RNF214: variants seen among roughly 807,000 people sequenced by gnomAD.
RNF214 encodes ring finger protein 214.
RNF214 carries 25 observed loss-of-function variants against 75.9 expected under a neutral mutation model. The observed-to-expected ratio is 0.33, with a 90% CI of 0.24 to 0.46. RNF214 has a LOEUF of 0.46. Among genes scored for constraint, RNF214 ranks in the 20% least tolerant of loss-of-function variants. The pLI is 1.00. For synonymous variants in RNF214, 314 were observed against 308.8 expected (o/e 1.02, Z -0.18); for missense variants, 725 against 857.5 (o/e 0.85, Z 1.93).
intron 6 of RNF214, among the ~76,000 whole-genome samples, chr11:117,264,412 A>T (rs750547605): frequency 2.6e-5 from 4 of 152,176 alleles, no homozygotes; most frequent in Non-Finnish European, 4.4e-5. Flanking sequence ...CAGTTTCTCA[A>T]TATACTCATC....
intron 6 of RNF214, among the ~76,000 whole-genome samples, chr11:117,252,722 G>A (rs1158867479): frequency 6.6e-6 from 1 of 151,932 alleles, no homozygotes; most frequent in Non-Finnish European, 1.5e-5. Context: ...GGGTTTCACT[G>A]TGTTAGCCAG....
chr11:117,274,263 GAGT>G (rs200474486), intron 6 of RNF214, among the ~76,000 whole-genome samples: 2,846 of 151,986 alleles, frequency 0.019, 97 homozygotes, highest in African/African-American at 0.064. Flanking sequence ...TAACTCAAAG[GAGT>G]AGTTAGTTAG....
intron 6 of RNF214, among the ~76,000 whole-genome samples, chr11:117,276,566 C>T (rs1459403686): frequency 1.3e-5 from 2 of 152,072 alleles, no homozygotes; most frequent in East Asian, 3.9e-4. Flanking sequence ...CCAGTGTACT[C>T]CAGCCTGGAC....
chr11:117,248,649 T>C (rs1169078454), intron 6 of RNF214, among the ~76,000 whole-genome samples: 1 of 152,164 alleles, frequency 6.6e-6, no homozygotes, highest in Non-Finnish European at 1.5e-5. Context: ...TGATACTGAA[T>C]GATTAGAAGG....
chr11:117,253,274 G>A (rs149304774), intron 6 of RNF214, among the ~76,000 whole-genome samples: 2,846 of 152,306 alleles, frequency 0.019, 43 homozygotes, highest in Middle Eastern at 0.034. Flanking sequence ...GATTACAGGC[G>A]TGAACCACTG....
chr11:117,283,795 G>A (rs1052434875), intron 14 of RNF214, among the ~76,000 whole-genome samples: 1 of 151,906 alleles, frequency 6.6e-6, no homozygotes, highest in Non-Finnish European at 1.5e-5. Flanking sequence ...TGAGATTACA[G>A]GCACATGCCA....
intron 6 of RNF214, among the ~76,000 whole-genome samples, chr11:117,268,339 A>G (rs1056937322): frequency 6.6e-6 from 1 of 152,252 alleles, no homozygotes; most frequent in African/African-American, 2.4e-5. Context: ...TTTCAAAAAG[A>G]TGGCTCCCAG....
rs1430738198 is a variant in RNF214, at chr11:117,233,177, C to T, written c.-7+451C>T. Among the ~76,000 whole-genome samples, 9 of 152,344 alleles carry T rather than the reference C, an allele frequency of 5.9e-5. No homozygotes were observed. The East Asian group carries it at 1.7e-3, about 29-fold the overall frequency. On this transcript the variant is annotated intron_variant, in intron 1 of 14. Coordinates refer to ENST00000300650, the MANE Select transcript of RNF214 (RefSeq NM_207343.4). ...CTACCCGCGCCACGGGCTCTCTAGCCACGGAGTTGCATGCATGGCCCTTGT... is the reference window on the plus strand; with the variant it reads ...CTACCCGCGCCACGGGCTCTCTAGCTACGGAGTTGCATGCATGGCCCTTGT...
intron 6 of RNF214, among the ~76,000 whole-genome samples, chr11:117,254,541 T>G (rs928028354): frequency 9.9e-5 from 15 of 152,108 alleles, no homozygotes; most frequent in African/African-American, 3.6e-4. Context: ...TACCATCAAT[T>G]CTCTTGGTGC....
chr11:117,248,625 T>G (rs1331305506), intron 6 of RNF214, among the ~76,000 whole-genome samples: 1 of 152,182 alleles, frequency 6.6e-6, no homozygotes, highest in Non-Finnish European at 1.5e-5. Flanking sequence ...TCAGTTGTTC[T>G]GTTGAGAATC....
intron 6 of RNF214, among the ~76,000 whole-genome samples, chr11:117,254,140 T>A (rs1211719910): frequency 1.3e-5 from 2 of 152,106 alleles, no homozygotes; most frequent in Non-Finnish European, 2.9e-5. Flanking sequence ...TCCCAACTAC[T>A]TGGGAGGCTG....
intron 6 of RNF214, among the ~76,000 whole-genome samples, chr11:117,247,159 T>C (rs2134369045): frequency 6.6e-6 from 1 of 152,270 alleles, no homozygotes. Flanking sequence ...TACTTTGAAA[T>C]AATAACAGTT....
intron 14 of RNF214, among the ~76,000 whole-genome samples, chr11:117,284,793 G>A (rs555594038): frequency 1.2e-4 from 18 of 152,248 alleles, no homozygotes; most frequent in African/African-American, 3.6e-4. Flanking sequence ...AGCCAGGAAC[G>A]GTGGTGAACG....
intron 6 of RNF214, among the ~76,000 whole-genome samples, chr11:117,249,173 C>T (rs962421957): frequency 2.0e-5 from 3 of 152,196 alleles, no homozygotes; most frequent in South Asian, 2.1e-4. Context: ...GATCCACCTG[C>T]CTTGGCCTCC....
chr11:117,261,340 G>T (rs2033657331), intron 6 of RNF214, among the ~76,000 whole-genome samples: 1 of 152,156 alleles, frequency 6.6e-6, no homozygotes, highest in African/African-American at 2.4e-5. Flanking sequence ...AGCACTTTGG[G>T]AGGCCGAGGC....
intron 5 of RNF214, among the ~76,000 whole-genome samples, chr11:117,246,126 G>T (rs913436132): frequency 6.6e-6 from 1 of 151,940 alleles, no homozygotes; most frequent in African/African-American, 2.4e-5. Context: ...CACCACACCT[G>T]GCTAATTTTT....
intron 6 of RNF214, among the ~76,000 whole-genome samples, chr11:117,274,602 T>C (rs567886544): frequency 1.3e-5 from 2 of 151,252 alleles, no homozygotes; most frequent in South Asian, 4.2e-4. Flanking sequence ...CTCCTGACCT[T>C]AGGTTATCTG....
In RNF214 at chr11:117,239,099, C is replaced by T. The variant is rs377448273; in HGVS notation, c.606C>T (p.Asn202=). ...QDSSSLKLSQ[N]IAVQTDFKTA... ...GCTCTTCCCTGAAGCTTTCTCAGAA[C>T]ATTGCTGTACAGGTCAAGTGTCAAG... The change falls in exon 3 of 15, where the codon AAC becomes AAT. Residue 202 remains asparagine, a synonymous_variant. Transcript: ENST00000300650. The T allele has an allele frequency of 1.2e-6, 2 of 1,608,582 alleles. No individual in the cohort carries two copies. Among genetic ancestry groups the T allele is most frequent in the African/African-American group, 2.7e-5 (2 of 74,818 alleles).
At chr11:117,253,093 GC>G (rs2033439974) in intron 6 of RNF214, among the ~76,000 whole-genome samples, 1 of 152,026 alleles carries the variant, frequency 6.6e-6, no homozygotes, top group Non-Finnish European at 1.5e-5. Context: ...GCTCACTAAA[GC>G]CTTGAACTCC....
Sources: allele counts gnomAD v4.1 joint callset (sites outside exome capture counted in the v4.1 genomes callset), GRCh38; gene constraint gnomAD v4.1.1; transcripts MANE v1.5; gene names NCBI Gene and HGNC (gene_info 2026-07-23, HGNC 2026-07-21).